Variants in CTNNA2 observed in about 807,000 individuals in gnomAD.
The protein encoded by CTNNA2 is catenin alpha 2.
CTNNA2 carries 42 observed loss-of-function variants against 101.0 expected under a neutral mutation model. That is an observed-to-expected ratio of 0.42 (90% confidence interval 0.32 to 0.54). CTNNA2 has a LOEUF of 0.54. CTNNA2 is among the 20% of genes least tolerant of loss of function. CTNNA2 has a pLI of 0.14. For missense variants in CTNNA2, 871 were observed against 1,223.1 expected, an observed-to-expected ratio of 0.71 and a Z score of 4.29; for synonymous variants, 450 against 456.4, an observed-to-expected ratio of 0.99 and a Z score of 0.18.
intron 3 of CTNNA2, among the ~76,000 whole-genome samples, chr2:79,773,334 G>A (rs1673726070): frequency 6.6e-6 from 1 of 152,188 alleles, no homozygotes; most frequent in South Asian, 2.1e-4. Context: ...GCCTCAGGAG[G>A]TCCTGATGAC....
chr2:79,577,321 A>C (rs567687562), intron 1 of CTNNA2, among the ~76,000 whole-genome samples: 1 of 152,116 alleles, frequency 6.6e-6, no homozygotes, highest in Admixed American at 6.5e-5. Context: ...ATATTATATT[A>C]GTTACATCAA....
chr2:79,222,872 A>G (rs546467001), intron 2 of CTNNA2, among the ~76,000 whole-genome samples: 1 of 152,064 alleles, frequency 6.6e-6, no homozygotes, highest in Non-Finnish European at 1.5e-5. Context: ...CCCAGACCAA[A>G]CACAGTGGCT....
At chr2:79,516,365 C>A (rs771264970) in intron 1 of CTNNA2, among the ~76,000 whole-genome samples, 4 of 152,098 alleles carry the variant, frequency 2.6e-5, no homozygotes, top group African/African-American at 4.8e-5. Context: ...GGGAAGAAGA[C>A]GGGTGTCTGT....
In CTNNA2 at chr2:80,012,390, G is replaced by C. The variant is rs188507845; in HGVS notation, c.1056+102593G>C. ...CAATTCTTGAGGCAAATCTTATAAA[G>C]CTGTCTTGTTGCCTCTTGAGAAAAA... On this transcript the variant is annotated intron_variant, in intron 7 of 18. Transcript: ENST00000402739. Among the ~76,000 whole-genome samples the C allele has an allele frequency of 2.6e-5, 4 of 152,256 alleles. No individual in the cohort carries two copies. The East Asian group carries it at 7.7e-4, about 29-fold the overall frequency.
intron 2 of CTNNA2, among the ~76,000 whole-genome samples, chr2:79,251,070 C>T (rs550901704): frequency 2.0e-5 from 3 of 152,276 alleles, no homozygotes; most frequent in Non-Finnish European, 4.4e-5. Flanking sequence ...CTGTTTGATG[C>T]CATCTGTTTT....
chr2:79,805,692 C>T (rs1676517689), intron 3 of CTNNA2, among the ~76,000 whole-genome samples: 1 of 152,078 alleles, frequency 6.6e-6, no homozygotes, highest in Non-Finnish European at 1.5e-5. Context: ...AATCCCAGCA[C>T]TTTGGGAGGC....
At chr2:79,365,169 C>T (rs911799039) in intron 3 of CTNNA2, among the ~76,000 whole-genome samples, 3 of 151,896 alleles carry the variant, frequency 2.0e-5, no homozygotes, top group Non-Finnish European at 4.4e-5. Context: ...CCCAGCTACT[C>T]AGGAGACTGA....
At chr2:79,382,003 G>A (rs1678045162) in intron 4 of CTNNA2, among the ~76,000 whole-genome samples, 1 of 152,172 alleles carries the variant, frequency 6.6e-6, no homozygotes, top group Admixed American at 6.5e-5. Context: ...GAGTATTTCT[G>A]TAAAGGTGTT....
intron 3 of CTNNA2, among the ~76,000 whole-genome samples, chr2:79,338,593 T>C (rs929705769): frequency 2.8e-5 from 4 of 141,820 alleles, no homozygotes; most frequent in South Asian, 2.4e-4. Flanking sequence ...CTTCTTCTTC[T>C]TCTTCTTCTT....
chr2:80,488,811 T>C (rs1214254498), intron 9 of CTNNA2, among the ~76,000 whole-genome samples: 1 of 152,212 alleles, frequency 6.6e-6, no homozygotes, highest in African/African-American at 2.4e-5. Context: ...GAATTCAGAA[T>C]AAATCAACCA....
intron 7 of CTNNA2, among the ~76,000 whole-genome samples, chr2:79,966,331 G>C (rs1690057135): frequency 6.6e-6 from 1 of 152,066 alleles, no homozygotes; most frequent in African/African-American, 2.4e-5. Flanking sequence ...GAACCATGGG[G>C]CTCAAGCGAT....
At chr2:80,094,620 GATT>G (rs1700024081) in intron 7 of CTNNA2, among the ~76,000 whole-genome samples, 1 of 151,420 alleles carries the variant, frequency 6.6e-6, no homozygotes, top group Non-Finnish European at 1.5e-5. Context: ...TCACGATATT[GATT>G]CTTCCTACCC....
At chr2:80,132,345 G>T (rs1210605072) in intron 7 of CTNNA2, among the ~76,000 whole-genome samples, 1 of 152,072 alleles carries the variant, frequency 6.6e-6, no homozygotes. Context: ...GACAAGACTG[G>T]TCTCCATCTG....
chr2:79,843,390 C>A (rs76473668), intron 3 of CTNNA2, among the ~76,000 whole-genome samples: 3,124 of 152,290 alleles, frequency 0.021, 77 homozygotes, highest in East Asian at 0.12. Flanking sequence ...TGGATTCATA[C>A]CTGGCCTTCT....
At chr2:79,512,313 C>T (rs1419749157), upstream of CTNNA2, among the ~76,000 whole-genome samples, 2 of 152,170 alleles carry the variant, frequency 1.3e-5, no homozygotes, top group Admixed American at 6.5e-5. Context: ...ATCACAATGC[C>T]TTCCACGGAG....
Position 79,658,653 on chromosome 2 carries a change from T to C in CTNNA2, c.102+6995T>C, listed in dbSNP as rs1681791760. Among the ~76,000 whole-genome samples the C allele has an allele frequency of 2.0e-5, 3 of 149,544 alleles. No individual in the cohort carries two copies. The South Asian group carries it at 6.4e-4, about 32-fold the overall frequency. ...ACTGGCCATCAAAATGAGTTGGCCA[T>C]CAGAATAGAATTTGCTGAAATTTTG... On this transcript the variant is annotated intron_variant, in intron 2 of 18. Coordinates refer to ENST00000402739, the MANE Select transcript of CTNNA2 (RefSeq NM_001282597.3).
intron 9 of CTNNA2, among the ~76,000 whole-genome samples, chr2:80,466,607 C>A (rs554819155): frequency 6.6e-6 from 1 of 152,106 alleles, no homozygotes; most frequent in Non-Finnish European, 1.5e-5. Context: ...CCACATATTT[C>A]TTCAAAAAAA....
chr2:79,501,053 T>C (rs2103803731), intron 4 of CTNNA2, among the ~76,000 whole-genome samples: 1 of 152,352 alleles, frequency 6.6e-6, no homozygotes, highest in African/African-American at 2.4e-5. Context: ...GAATTAGACC[T>C]CTAAATTACA....
At chr2:79,323,837 T>G (rs1676681228) in intron 3 of CTNNA2, among the ~76,000 whole-genome samples, 1 of 152,342 alleles carries the variant, frequency 6.6e-6, no homozygotes, top group African/African-American at 2.4e-5. Context: ...TTTGTTTTCT[T>G]TTCTTCTTCT....
Sources: gnomAD v4.1 joint callset for allele counts (sites outside exome capture counted in the v4.1 genomes callset) on GRCh38, gnomAD v4.1.1 for gene constraint, MANE v1.5 for transcripts, NCBI Gene and HGNC (gene_info 2026-07-23, HGNC 2026-07-21) for gene names.